The following PDZD8 variants were observed in gnomAD, a reference collection of about 807,000 sequenced individuals.
The protein encoded by PDZD8 is PDZ domain containing 8.
PDZD8 carries 14 observed loss-of-function variants against 85.8 expected under a neutral mutation model. The ratio of observed to expected loss-of-function variants is 0.16; its 90% CI spans 0.11 to 0.26. The LOEUF is 0.26. PDZD8 is among the 10% of genes least tolerant of loss of function. The pLI is 1.00. For missense variants in PDZD8, 1,197 were observed against 1,424.3 expected (o/e 0.84, Z 2.57); for synonymous variants, 592 against 568.6 (o/e 1.04, Z -0.59).
At chr10:117,298,653 T>C (rs1843795739) in intron 3 of PDZD8, among the ~76,000 whole-genome samples, 1 of 152,152 alleles carries the variant, frequency 6.6e-6, no homozygotes, top group African/African-American at 2.4e-5. Context: ...TCTCTCCTCC[T>C]TATACTTCTA....
intron 3 of PDZD8, among the ~76,000 whole-genome samples, chr10:117,315,857 G>C (rs1844120477): frequency 6.6e-6 from 1 of 151,976 alleles, no homozygotes; most frequent in Non-Finnish European, 1.5e-5. Context: ...GATATTTATA[G>C]ATATTTTTAT....
intron 3 of PDZD8, among the ~76,000 whole-genome samples, chr10:117,299,317 T>A (rs1420616702): frequency 6.6e-6 from 1 of 152,138 alleles, no homozygotes; most frequent in Non-Finnish European, 1.5e-5. Context: ...TGCAAAGAAT[T>A]TCCCAGGTAT....
chr10:117,318,619 G>A (rs1844170944), intron 3 of PDZD8, among the ~76,000 whole-genome samples: 1 of 152,148 alleles, frequency 6.6e-6, no homozygotes, highest in Non-Finnish European at 1.5e-5. Flanking sequence ...TTTCATAACT[G>A]AAGCAATCTT....
intron 3 of PDZD8, among the ~76,000 whole-genome samples, chr10:117,310,901 G>A (rs757419541): frequency 8.5e-5 from 13 of 152,092 alleles, no homozygotes; most frequent in Admixed American, 5.2e-4. Context: ...CTGGCCTAAC[G>A]TATTTGTAAG....
chr10:117,293,304 G>T (rs1049754200), intron 3 of PDZD8, among the ~76,000 whole-genome samples: 1 of 151,834 alleles, frequency 6.6e-6, no homozygotes, highest in Admixed American at 6.6e-5. Context: ...ATGACTATTG[G>T]ATATGCCTGG....
Position 117,334,592 on chromosome 10 carries a change from T to C in PDZD8, c.995+6388A>G, listed in dbSNP as rs566210820. 8.9e-4 allele frequency among the ~76,000 whole-genome samples: 136 copies of C among 152,112 alleles called. 1 individual carries two copies. The highest frequency in any genetic ancestry group is 3.2e-3 in the African/African-American group (132 of 41,492). On this transcript the variant is annotated intron_variant, in intron 2 of 4. Transcript: ENST00000334464. ...AAGGCTTCAATGCAGCCATTATATA[T>C]ATATATGGCTCAAAAAACTGACAGA...
At chr10:117,302,996 A>AT (rs1843873098) in intron 3 of PDZD8, among the ~76,000 whole-genome samples, 1 of 152,222 alleles carries the variant, frequency 6.6e-6, no homozygotes, top group South Asian at 2.1e-4. Flanking sequence ...AAATGGACTA[A>AT]TACAGTAAAT....
intron 2 of PDZD8, among the ~76,000 whole-genome samples, chr10:117,335,076 C>T (rs1844493963): frequency 6.6e-6 from 1 of 152,100 alleles, no homozygotes; most frequent in East Asian, 1.9e-4. Flanking sequence ...AAAGAAAGCT[C>T]CCTCAGACAT....
At chr10:117,328,910 T>G (rs1564701412) in intron 2 of PDZD8, among the ~76,000 whole-genome samples, 1 of 152,200 alleles carries the variant, frequency 6.6e-6, no homozygotes, top group Non-Finnish European at 1.5e-5. Flanking sequence ...CTCTTGGTAT[T>G]TGAAAAACAT....
In PDZD8 at chr10:117,284,196, G is replaced by C. The variant is rs1404215074; in HGVS notation, c.2537C>G (p.Thr846Ser). 6.2e-7 allele frequency: 1 copy of C among 1,614,134 alleles called. No individual in the cohort carries two copies. Among genetic ancestry groups the C allele is most frequent in the Non-Finnish European group, 8.5e-7 (1 of 1,179,994 alleles). ...ACACCATGTTGGGTTCTGGAACTGA[G>C]TATCCTGAAAACTGTGTTTGTTTTC... is the stretch of plus-strand genomic sequence containing the variant. ...LTENKHSFQDTQFQNPTWCDY... is the reference protein window; with the variant it reads ...LTENKHSFQDSQFQNPTWCDY... The change falls in exon 5 of 5, where the codon ACT (threonine) becomes AGT (serine). Residue 846 changes from threonine to serine, a missense_variant. Physicochemically the swap from Thr to Ser is moderately conservative, Grantham distance 58. Around this residue, in one of 4 missense-constraint regions of PDZD8, gnomAD observed 418 missense variants for 571.1 expected, o/e 0.73. Coordinates refer to ENST00000334464, the MANE Select transcript of PDZD8 (RefSeq NM_173791.5).
chr10:117,314,816 T>C (rs111387640), intron 3 of PDZD8, among the ~76,000 whole-genome samples: 56 of 152,238 alleles, frequency 3.7e-4, no homozygotes, highest in African/African-American at 1.3e-3. Context: ...CATATTTATA[T>C]ACCAATATTG....
chr10:117,288,928 G>A (rs948420983), intron 4 of PDZD8, among the ~76,000 whole-genome samples: 3 of 152,144 alleles, frequency 2.0e-5, no homozygotes, highest in Non-Finnish European at 4.4e-5. Flanking sequence ...TTTACTACTT[G>A]TGTAATTGAA....
intron 1 of PDZD8, among the ~76,000 whole-genome samples, chr10:117,346,859 TTTTTGGGGCTATG>T (rs1298436257): frequency 5.3e-5 from 8 of 151,970 alleles, no homozygotes; most frequent in African/African-American, 1.7e-4. Context: ...AGGGCCAGTC[TTTTTGGGGCTATG>T]TAAGTAGCAC....
chr10:117,333,292 G>T (rs145622709), intron 2 of PDZD8, among the ~76,000 whole-genome samples: 1 of 151,936 alleles, frequency 6.6e-6, no homozygotes, highest in African/African-American at 2.4e-5. Flanking sequence ...ATCTTGTAAC[G>T]ATGCTCTAAG....
rs1193717704 is a variant in PDZD8, at chr10:117,375,220, A to G, written c.8T>C (p.Leu3Pro). MGLLLMILASAVL... is the reference protein window; with the variant it reads MGPLLMILASAVL... ...GGCCGACGCCAGGATCATGAGCAGC[A>G]GCCCCATCCCGCCACCGCCTCCGCC... is the stretch of plus-strand genomic sequence containing the variant. The change falls in exon 1 of 5, where the codon CTG becomes CCG. Residue 3 changes from leucine (L) to proline (P), a missense_variant. This residue lies in a region of PDZD8 where 172 missense variants were observed against 137.8 expected (regional missense o/e 1.25). Transcript: ENST00000334464. 2.0e-6 allele frequency: 3 copies of G among 1,497,154 alleles called. No individual in the cohort carries two copies. The highest frequency in any genetic ancestry group is 2.5e-5 in the South Asian group (2 of 80,456). 92.7% of individuals were successfully genotyped at this position (1,497,154 alleles called of 1,614,324 possible). A position where few individuals can be genotyped will look rare whatever the true frequency, so the allele number is the denominator to read the frequency against.
At chr10:117,326,461 A>C (rs1844317586) in intron 2 of PDZD8, among the ~76,000 whole-genome samples, 1 of 152,052 alleles carries the variant, frequency 6.6e-6, no homozygotes, top group Non-Finnish European at 1.5e-5. Context: ...TCATAATGAG[A>C]CTCTCACCTC....
intron 3 of PDZD8, among the ~76,000 whole-genome samples, chr10:117,291,501 C>T (rs1195846519): frequency 3.4e-5 from 5 of 147,364 alleles, no homozygotes; most frequent in African/African-American, 1.3e-4. Flanking sequence ...TGCACTCCAG[C>T]CCGGGCAACA....
At chr10:117,294,083 T>C (rs1843710665) in intron 3 of PDZD8, among the ~76,000 whole-genome samples, 1 of 152,082 alleles carries the variant, frequency 6.6e-6, no homozygotes, top group Non-Finnish European at 1.5e-5. Context: ...TTTAAATGCT[T>C]ATATAGGGGG....
In PDZD8 at chr10:117,285,196, C is replaced by G; in HGVS notation, c.1537G>C (p.Asp513His). ...CTATGACTTAATGATTGTGCCTCAT[C>G]TTTGAACTCATTTTGTGCTCTGACA... ...SDVRAQNEFK[D>H]EAQSLSHSPK... The change falls in exon 5 of 5, where the codon GAT becomes CAT. Residue 513 changes from aspartate to histidine, a missense_variant. Around this residue, in one of 4 missense-constraint regions of PDZD8, gnomAD observed 263 missense variants for 261.9 expected, o/e 1.00. Coordinates refer to ENST00000334464, the MANE Select transcript of PDZD8 (RefSeq NM_173791.5). 1 of 1,614,192 alleles carries G rather than the reference C, an allele frequency of 6.2e-7. No homozygotes were observed. The highest frequency in any genetic ancestry group is 8.5e-7 in the Non-Finnish European group (1 of 1,180,038).
Sources: allele counts gnomAD v4.1 joint callset (sites outside exome capture counted in the v4.1 genomes callset), GRCh38; gene constraint gnomAD v4.1.1; regional missense constraint gnomAD v4.1.1; transcripts MANE v1.5; gene names NCBI Gene and HGNC (gene_info 2026-07-23, HGNC 2026-07-21).